Variants in TENM2 observed in about 807,000 individuals in gnomAD.
TENM2 encodes the protein teneurin transmembrane protein 2, also known as teneurin-2.
Under a neutral mutation model 245.2 loss-of-function variants are expected in TENM2, and 52 were observed. That is an observed-to-expected ratio of 0.21 (90% confidence interval 0.17 to 0.27). TENM2 has a LOEUF of 0.27. TENM2 is among the 10% of genes least tolerant of loss of function. The pLI is 1.00. For missense variants in TENM2, 3,046 were observed against 3,666.8 expected, an observed-to-expected ratio of 0.83 and a Z score of 4.37; for synonymous variants, 1,363 against 1,438.9, an observed-to-expected ratio of 0.95 and a Z score of 1.19.
intron 1 of TENM2, among the ~76,000 whole-genome samples, chr5:167,350,790 T>C (rs111217408): frequency 0.038 from 2,412 of 64,130 alleles, 58 homozygotes; most frequent in African/African-American, 0.042. Context: ...TATATACATA[T>C]GGATATATAT....
intron 2 of TENM2, among the ~76,000 whole-genome samples, chr5:167,410,479 T>C (rs1416127290): frequency 6.6e-6 from 1 of 152,024 alleles, no homozygotes; most frequent in African/African-American, 2.4e-5. Context: ...TGCAACTCAT[T>C]TATAAAAATT....
chr5:167,577,128 G>A (rs758353549), intron 2 of TENM2, among the ~76,000 whole-genome samples: 9 of 152,242 alleles, frequency 5.9e-5, no homozygotes, highest in Admixed American at 3.9e-4. Context: ...CAGGAATCTC[G>A]TACCCAGACA....
intron 3 of TENM2, among the ~76,000 whole-genome samples, chr5:167,929,101 G>GAAAGAAAGAAAAGA (rs1778056264): frequency 1.9e-5 from 2 of 104,850 alleles, no homozygotes; most frequent in African/African-American, 7.6e-5. Context: ...AAGAAAGAAA[G>GAAAGAAAGAAAAGA]AAAGAAAGAA....
chr5:168,026,865 T>G (rs1190786642), intron 5 of TENM2, among the ~76,000 whole-genome samples: 1 of 151,966 alleles, frequency 6.6e-6, no homozygotes, highest in Non-Finnish European at 1.5e-5. Context: ...AAACCTAGGT[T>G]TTCCCCTTCC....
intron 2 of TENM2, among the ~76,000 whole-genome samples, chr5:167,429,076 T>C (rs1375699055): frequency 6.6e-6 from 1 of 152,254 alleles, no homozygotes; most frequent in Non-Finnish European, 1.5e-5. Context: ...AATGGAATTT[T>C]TGAATGGAAT....
At chr5:167,154,666 T>C in the TENM2 span, among the ~76,000 whole-genome samples, 1 of 152,212 alleles carries the variant, frequency 6.6e-6, no homozygotes, top group Admixed American at 6.5e-5. Context: ...TCTACAATCA[T>C]GTTCAATCTA....
At chr5:167,942,800 G>GAAAGAA (rs1779293789) in intron 3 of TENM2, among the ~76,000 whole-genome samples, 1 of 152,174 alleles carries the variant, frequency 6.6e-6, no homozygotes, top group Non-Finnish European at 1.5e-5. Flanking sequence ...ACAACTCCAA[G>GAAAGAA]ACAACTTTGA....
At chr5:167,327,791 A>G (rs886643422) in intron 1 of TENM2, among the ~76,000 whole-genome samples, 1 of 152,166 alleles carries the variant, frequency 6.6e-6, no homozygotes, top group East Asian at 1.9e-4. Context: ...GAATGGTGAA[A>G]TAGGGTAGAG....
At chr5:167,435,921 TGA>T (rs1438848245) in intron 2 of TENM2, among the ~76,000 whole-genome samples, 1 of 151,514 alleles carries the variant, frequency 6.6e-6, no homozygotes, top group East Asian at 2.0e-4. Flanking sequence ...ACTTTGAACT[TGA>T]GAGAGATGAG....
chr5:168,097,067 A>T (rs1437501805), intron 8 of TENM2, among the ~76,000 whole-genome samples: 1 of 152,240 alleles, frequency 6.6e-6, no homozygotes, highest in East Asian at 1.9e-4. Context: ...AGCTAAGCAT[A>T]AAAGGACATT....
At chr5:167,595,636 T>A (rs1489258667) in intron 2 of TENM2, among the ~76,000 whole-genome samples, 1 of 152,256 alleles carries the variant, frequency 6.6e-6, no homozygotes, top group South Asian at 2.1e-4. Context: ...TTTCGTTAGT[T>A]GTTTAGTATT....
intron 1 of TENM2, among the ~76,000 whole-genome samples, chr5:167,313,034 C>T (rs2127757532): frequency 6.6e-6 from 1 of 151,962 alleles, no homozygotes; most frequent in East Asian, 1.9e-4. Flanking sequence ...TCCCAAGTAG[C>T]TGGGATTACA....
chr5:168,000,994 A>G (rs1377813087), intron 5 of TENM2, among the ~76,000 whole-genome samples: 1 of 150,706 alleles, frequency 6.6e-6, no homozygotes, highest in Non-Finnish European at 1.5e-5. Context: ...TGAGAAGAGT[A>G]TGCCCAAAAT....
chr5:167,972,921 T>C (rs1781901334), intron 4 of TENM2, among the ~76,000 whole-genome samples: 1 of 152,334 alleles, frequency 6.6e-6, no homozygotes, highest in Non-Finnish European at 1.5e-5. Flanking sequence ...CCCTTGGTTC[T>C]AGCTGTAGGG....
At chr5:167,392,309 G>A (rs915593852) in intron 2 of TENM2, among the ~76,000 whole-genome samples, 2 of 152,298 alleles carry the variant, frequency 1.3e-5, no homozygotes, top group East Asian at 1.9e-4. Flanking sequence ...CCACGTAGCT[G>A]GTTAAATGTT....
At chr5:168,084,297 T>C (rs899729820) in intron 7 of TENM2, among the ~76,000 whole-genome samples, 1 of 152,220 alleles carries the variant, frequency 6.6e-6, no homozygotes, top group South Asian at 2.1e-4. Flanking sequence ...CTGAGTTGAA[T>C]GGTAGTTCTG....
chr5:167,958,884 T>A (rs1032587924), intron 4 of TENM2, among the ~76,000 whole-genome samples: 3 of 152,180 alleles, frequency 2.0e-5, no homozygotes, highest in African/African-American at 7.2e-5. Flanking sequence ...TGTGGGTAAC[T>A]TGACCTTTCT....
chr5:167,739,986 A>C (rs560435864), intron 2 of TENM2, among the ~76,000 whole-genome samples: 1 of 152,284 alleles, frequency 6.6e-6, no homozygotes, highest in South Asian at 2.1e-4. Flanking sequence ...TACAGATGCT[A>C]CTAAAATAAA....
chr5:167,021,685 A>G, the TENM2 span, among the ~76,000 whole-genome samples: 1 of 152,206 alleles, frequency 6.6e-6, no homozygotes, highest in African/African-American at 2.4e-5. Flanking sequence ...TGTAAAACTG[A>G]TGGATGTTGC....
Sources: gnomAD v4.1 joint callset for allele counts (sites outside exome capture counted in the v4.1 genomes callset) on GRCh38, gnomAD v4.1.1 for gene constraint, MANE v1.5 for transcripts, NCBI Gene and HGNC (gene_info 2026-07-23, HGNC 2026-07-21) for gene names.